The following MTFR1L variants were observed in gnomAD, a reference collection of about 807,000 sequenced individuals.
MTFR1L encodes the protein mitochondrial fission regulator 1-like.
Under a neutral mutation model 27.9 loss-of-function variants are expected in MTFR1L, and 10 were observed. The ratio of observed to expected loss-of-function variants is 0.36; its 90% CI spans 0.22 to 0.61. The LOEUF is 0.61. Ranked by LOEUF, MTFR1L falls within the 20% of genes least tolerant of loss-of-function variation. The pLI, the probability that MTFR1L is intolerant of heterozygous loss-of-function variation, is 0.73. For missense variants in MTFR1L, 315 were observed against 363.7 expected, an observed-to-expected ratio of 0.87 and a Z score of 1.09; for synonymous variants, 151 against 139.4, an observed-to-expected ratio of 1.08 and a Z score of -0.58.
At chr1:25,822,850 G>A (rs1298030023) in intron 1 of MTFR1L, 169 bp from the exon 2 acceptor site, 2 of 557,508 alleles carry the variant, frequency 3.6e-6, no homozygotes, top group Non-Finnish European at 3.1e-6. Flanking sequence ...GAACCTTTAA[G>A]AGTCTGGACT....
chr1:25,829,616 A>G lies in MTFR1L; in HGVS notation c.559A>G (p.Ser187Gly). The change falls in exon 6 of 7, where the codon AGT (serine) becomes GGT (glycine). Residue 187 changes from serine to glycine, a missense_variant. Transcript: ENST00000374303. Reference sequence around the variant, plus strand: ...CCACTCTACAACTTCCTTTGTCATTAGTGACATCACCGAGGAGACAGAGGT... The same window carrying G: ...CCACTCTACAACTTCCTTTGTCATTGGTGACATCACCGAGGAGACAGAGGT... ...SFHSTTSFVISDITEETEVEV... is the reference protein window; with the variant it reads ...SFHSTTSFVIGDITEETEVEV... 1 of 1,614,180 alleles carries G rather than the reference A, an allele frequency of 6.2e-7. No individual in the cohort carries two copies. Among genetic ancestry groups the G allele is most frequent in the South Asian group, 1.1e-5 (1 of 91,082 alleles).
At chr1:25,831,212 T>C (rs752220443) in intron 6 of MTFR1L, among the ~76,000 whole-genome samples, 24 of 152,220 alleles carry the variant, frequency 1.6e-4, no homozygotes, top group Non-Finnish European at 3.2e-4. Flanking sequence ...TAGTCAGTCT[T>C]GGCTCTTATA....
chr1:25,819,994 C>G lies in MTFR1L; in HGVS notation c.-122C>G, dbSNP rs951615963. ...GGGCGGCCCAAGGTGGAAGGAGGGGCCGTGAGGTGAGAGAGTCCGGGAGCC... is the reference window on the plus strand; with the variant it reads ...GGGCGGCCCAAGGTGGAAGGAGGGGGCGTGAGGTGAGAGAGTCCGGGAGCC... On this transcript the variant is annotated 5_prime_UTR_variant, in exon 1 of 7. Transcript: ENST00000374303. 2.9e-6 allele frequency: 1 copy of G among 340,366 alleles called. No homozygotes were observed. Among genetic ancestry groups the G allele is most frequent in the Non-Finnish European group, 5.7e-6 (1 of 176,586 alleles). The allele number at this position is 340,366 out of a possible 1,614,324, so 21.1% of individuals were successfully genotyped here.
rs761094415 is a variant in MTFR1L at position 25,826,397 on chromosome 1, A to C, written c.225A>C (p.Thr75=). ...IAWIAADEEE[T]YARVRSDTRP... ...GGATTGCTGCGGATGAAGAGGAGAC[A>C]TATGCCCGGGTCAGGTAGTTGAGGC... is the stretch of plus-strand genomic sequence containing the variant. Residue 75 remains threonine, a synonymous_variant, in exon 4 of 7, where the codon ACA becomes ACC. Coordinates refer to ENST00000374303, the MANE Select transcript of MTFR1L (RefSeq NM_001099625.2). The surrounding 1 kb of genome is among the most constrained non-coding windows in gnomAD (Gnocchi z 4.1). The C allele has an allele frequency of 1.2e-6, 2 of 1,614,190 alleles. No individual in the cohort carries two copies.
At position 25,819,967 on chromosome 1, in the gene MTFR1L, C is replaced by G; in HGVS notation, c.-149C>G. 1 of 317,560 alleles carries G rather than the reference C, an allele frequency of 3.1e-6. No individual in the cohort carries two copies. Among genetic ancestry groups the G allele is most frequent in the South Asian group, 2.3e-5 (1 of 43,010 alleles). 19.7% of individuals were successfully genotyped at this position (317,560 alleles called of 1,614,324 possible). A position where few individuals can be genotyped will look rare whatever the true frequency, so the allele number is the denominator to read the frequency against. On this transcript the variant is annotated 5_prime_UTR_variant, in exon 1 of 7. Transcript: ENST00000374303. ...TCAGCGGAAGTGAGGGCGGTTGAGG[C>G]TGGGCGGCCCAAGGTGGAAGGAGGG... is the stretch of plus-strand genomic sequence containing the variant.
At position 25,823,639 on chromosome 1, in the gene MTFR1L, T is replaced by G. The variant is rs2048129418; in HGVS notation, c.25-5T>G. 1 of 1,613,510 alleles carries G rather than the reference T, an allele frequency of 6.2e-7. No individual in the cohort carries two copies. The highest frequency in any genetic ancestry group is 1.3e-5 in the African/African-American group (1 of 74,884). ...GTTGTAGCTGTCTCCGTCTCTTTGC[T>G]CCAGACCATCCCAATCTGGCAAAAC... On this transcript the variant is annotated splice_polypyrimidine_tract_variant and splice_region_variant and intron_variant, in intron 2 of 6. Coordinates refer to ENST00000374303, the MANE Select transcript of MTFR1L (RefSeq NM_001099625.2).
rs2048166061 is a variant in MTFR1L, at chr1:25,826,241, G to A, written c.130-61G>A. 2.1e-6 allele frequency: 3 copies of A among 1,429,542 alleles called. No individual in the cohort carries two copies. The highest frequency in any genetic ancestry group is 4.6e-5 in the East Asian group (2 of 43,528). 88.6% of individuals were successfully genotyped at this position (1,429,542 alleles called of 1,614,324 possible). A position where few individuals can be genotyped will look rare whatever the true frequency, so the allele number is the denominator to read the frequency against. ...ATTAGGTACCCCTCCTGTGTATTCTGCAGTTTCTGATTGGCTCATCATGGC... is the reference window on the plus strand; with the variant it reads ...ATTAGGTACCCCTCCTGTGTATTCTACAGTTTCTGATTGGCTCATCATGGC... On this transcript the variant is annotated intron_variant, in intron 3 of 6. Transcript: ENST00000374303. The surrounding 1 kb of genome is among the most constrained non-coding windows in gnomAD (Gnocchi z 4.1).
At chr1:25,824,020 A>G (rs1259625134) in intron 3 of MTFR1L, among the ~76,000 whole-genome samples, 1 of 152,180 alleles carries the variant, frequency 6.6e-6, no homozygotes, top group Non-Finnish European at 1.5e-5. Flanking sequence ...AGCCCTAAGA[A>G]TTGACCATGT....
At position 25,826,565 on chromosome 1, in the gene MTFR1L, C is replaced by A; in HGVS notation, c.240-50C>A. On this transcript the variant is annotated intron_variant, in intron 4 of 6. Transcript: ENST00000374303. The surrounding 1 kb of genome is among the most constrained non-coding windows in gnomAD (Gnocchi z 4.1). ...GAAGTGGGGGAAGGAACCTTAGGAG[C>A]ACAGTGGCCTGCTGTCTCTAACTGA... The A allele has an allele frequency of 1.2e-6, 2 of 1,606,812 alleles. No individual in the cohort carries two copies. The highest frequency in any genetic ancestry group is 1.7e-6 in the Non-Finnish European group (2 of 1,173,818).
chr1:25,822,270 A>G (rs1011503812), intron 1 of MTFR1L: 1 of 152,298 alleles, frequency 6.6e-6, no homozygotes. Flanking sequence ...TTTTCTCTGT[A>G]GCTCATGAGA....
At chr1:25,820,159 G>A (rs2048066899) in intron 1 of MTFR1L, 130 bp downstream of exon 1, 4 of 451,756 alleles carry the variant, frequency 8.9e-6, no homozygotes, top group Non-Finnish European at 1.8e-5. Context: ...CGCGGGAGCC[G>A]CAGCTGTCCG....
At chr1:25,823,414 AAC>A (rs1433288365) in intron 2 of MTFR1L, 2 of 747,748 alleles carry the variant, frequency 2.7e-6, no homozygotes, top group Admixed American at 4.0e-5. Context: ...TGACCCTCCC[AAC>A]ATTGACTGCC....
chr1:25,823,661 A>C lies in MTFR1L; in HGVS notation c.42A>C (p.Gln14His). 1 of 1,614,008 alleles carries C rather than the reference A, an allele frequency of 6.2e-7. No homozygotes were observed. The highest frequency in any genetic ancestry group is 8.5e-7 in the Non-Finnish European group (1 of 1,179,932). The change falls in exon 3 of 7, where the codon CAA becomes CAC. Residue 14 changes from glutamine to histidine, a missense_variant. Coordinates refer to ENST00000374303, the MANE Select transcript of MTFR1L (RefSeq NM_001099625.2). ...TGCTCCAGACCATCCCAATCTGGCA[A>C]AACAAGCCACATGGGGCTGCTCGAA... ...MEATVTIPIW[Q>H]NKPHGAARSV...
At chr1:25,825,932 C>T (rs56728466) in intron 3 of MTFR1L, 4,080 of 210,066 alleles carry the variant, frequency 0.019, 189 homozygotes, top group African/African-American at 0.089. Context: ...CTCCCAGGTT[C>T]AAGCCATCTT....
At chr1:25,822,766 T>C in intron 1 of MTFR1L, 2 of 578,910 alleles carry the variant, frequency 3.5e-6, no homozygotes, top group Non-Finnish European at 6.1e-6. Flanking sequence ...GACCTCGTGA[T>C]CCGCCCACCT....
Position 25,823,093 on chromosome 1 carries a change from G to T in MTFR1L, c.-12G>T. Reference sequence around the variant, plus strand: ...TGGCTGCCTTGTCCTTCAAGTGCAGGAGCTGGTTCAAATGTCAGGAATGGA... The same window carrying T: ...TGGCTGCCTTGTCCTTCAAGTGCAGTAGCTGGTTCAAATGTCAGGAATGGA... On this transcript the variant is annotated 5_prime_UTR_variant, in exon 2 of 7. Coordinates refer to ENST00000374303, the MANE Select transcript of MTFR1L (RefSeq NM_001099625.2). 1 of 1,614,200 alleles carries T rather than the reference G, an allele frequency of 6.2e-7. No homozygotes were observed.
intron 1 of MTFR1L, chr1:25,820,916 A>G (rs1287944675): frequency 9.0e-6 from 3 of 334,630 alleles, no homozygotes; most frequent in Non-Finnish European, 1.7e-5. Flanking sequence ...GTCGCAGGGA[A>G]GGAAGGTGAT....
At chr1:25,828,811 G>T (rs570396392) in intron 5 of MTFR1L, among the ~76,000 whole-genome samples, 2 of 152,084 alleles carry the variant, frequency 1.3e-5, no homozygotes, top group East Asian at 3.9e-4. Context: ...CATTTGGTAG[G>T]ACACATGAAA....
intron 1 of MTFR1L, chr1:25,822,504 C>G (rs924063601): frequency 1.4e-5 from 2 of 140,264 alleles, no homozygotes; most frequent in African/African-American, 3.3e-5. Context: ...TTGGGTTGGC[C>G]AAGCTCACTA....
Sources: allele counts gnomAD v4.1 joint callset (sites outside exome capture counted in the v4.1 genomes callset), GRCh38; gene constraint gnomAD v4.1.1; non-coding constraint Gnocchi (gnomAD v3.1); transcripts MANE v1.5; gene names NCBI Gene and HGNC (gene_info 2026-07-23, HGNC 2026-07-21).